PRTFDC1: variants seen among roughly 807,000 people sequenced by gnomAD.
The protein encoded by PRTFDC1 is phosphoribosyltransferase domain-containing protein 1.
Under a neutral mutation model 34.6 loss-of-function variants are expected in PRTFDC1, and 38 were observed. The ratio of observed to expected loss-of-function variants is 1.10; its 90% CI spans 0.85 to 1.44. The LOEUF (loss-of-function observed/expected upper bound fraction) is 1.44, where lower values mean the gene tolerates loss of function less well. PRTFDC1 is among the 40% of genes most tolerant of loss of function. The pLI is 0.00. For synonymous variants in PRTFDC1, 93 were observed against 98.1 expected (o/e 0.95, Z 0.31); for missense variants, 270 against 283.0 (o/e 0.95, Z 0.33).
intron 2 of PRTFDC1, among the ~76,000 whole-genome samples, chr10:24,938,602 T>G (rs1849093082): frequency 6.6e-6 from 1 of 152,196 alleles, no homozygotes; most frequent in African/African-American, 2.4e-5. Flanking sequence ...TATCCTGAGG[T>G]GCAGTCACCG....
chr10:24,923,817 A>G (rs892745573), intron 3 of PRTFDC1, among the ~76,000 whole-genome samples: 3 of 152,220 alleles, frequency 2.0e-5, no homozygotes, highest in African/African-American at 7.2e-5. Context: ...GAGTTGACAG[A>G]AGTAGGTTTC....
intron 3 of PRTFDC1, among the ~76,000 whole-genome samples, chr10:24,876,645 GGTC>G (rs1847969075): frequency 6.6e-6 from 1 of 152,028 alleles, no homozygotes; most frequent in South Asian, 2.1e-4. Context: ...AGTGAGCCGA[GGTC>G]ATGTCACTGT....
At chr10:24,941,152 C>G (rs1479800162) in intron 2 of PRTFDC1, among the ~76,000 whole-genome samples, 1 of 152,004 alleles carries the variant, frequency 6.6e-6, no homozygotes, top group Non-Finnish European at 1.5e-5. Flanking sequence ...CTCCCAGACT[C>G]AAGTGATCCT....
chr10:24,890,144 A>C (rs780960049), intron 3 of PRTFDC1, among the ~76,000 whole-genome samples: 10 of 152,242 alleles, frequency 6.6e-5, no homozygotes, highest in Non-Finnish European at 1.3e-4. Flanking sequence ...TGTTGGCGGA[A>C]GCCTGGAAGA....
In PRTFDC1 at chr10:24,952,443, C is replaced by A. The variant is rs1849361919; in HGVS notation, c.48+85G>T. 2 of 1,453,456 alleles carry A rather than the reference C, an allele frequency of 1.4e-6. No homozygotes were observed. Among genetic ancestry groups the A allele is most frequent in the East Asian group, 2.5e-5 (1 of 39,920 alleles). The allele number at this position is 1,453,456 out of a possible 1,614,324, so 90.0% of individuals were successfully genotyped here. Reference sequence around the variant, plus strand: ...AGCGGTGGCCCTCTCTCTCCCCCGACGCACGGCAAGCATTTAATCTACAAG... The same window carrying A: ...AGCGGTGGCCCTCTCTCTCCCCCGAAGCACGGCAAGCATTTAATCTACAAG... On this transcript the variant is annotated intron_variant, in intron 1 of 8. Transcript: ENST00000320152. The surrounding 1 kb of genome is among the most constrained non-coding windows in gnomAD (Gnocchi z 5.1).
At chr10:24,944,281 G>A (rs774921860) in intron 1 of PRTFDC1, among the ~76,000 whole-genome samples, 13 of 152,082 alleles carry the variant, frequency 8.5e-5, no homozygotes, top group African/African-American at 2.7e-4. Context: ...TTCTTTCATC[G>A]CCCTCAGGCA....
chr10:24,952,165 A>G lies in PRTFDC1; in HGVS notation c.48+363T>C, dbSNP rs1176861335. On this transcript the variant is annotated intron_variant, in intron 1 of 8. Transcript: ENST00000320152. This position sits in a 1 kb window ranked among gnomAD's most constrained non-coding sequence, Gnocchi z 5.1. ...GTCAAGAGGAGACCCAGGAAGAAGG[A>G]GGCCTCCAGAGCAGCACGCGGGGGT... Among the ~76,000 whole-genome samples, 2 of 152,244 alleles carry G rather than the reference A, an allele frequency of 1.3e-5. No homozygotes were observed. Among genetic ancestry groups the G allele is most frequent in the Non-Finnish European group, 2.9e-5 (2 of 68,052 alleles).
chr10:24,895,243 T>C (rs547406534), intron 3 of PRTFDC1, among the ~76,000 whole-genome samples: 1 of 133,182 alleles, frequency 7.5e-6, no homozygotes, highest in East Asian at 2.2e-4. Flanking sequence ...CTTCTGGAAA[T>C]CTCCACTTTC....
At chr10:24,874,127 G>A (rs913194593) in intron 3 of PRTFDC1, among the ~76,000 whole-genome samples, 1 of 151,818 alleles carries the variant, frequency 6.6e-6, no homozygotes, top group South Asian at 2.1e-4. Flanking sequence ...ATGGATGGTT[G>A]GAGGGGGCAC....
chr10:24,884,037 G>C (rs1848124730), intron 3 of PRTFDC1, among the ~76,000 whole-genome samples: 1 of 151,478 alleles, frequency 6.6e-6, no homozygotes, highest in South Asian at 2.1e-4. Flanking sequence ...TTGCCATATT[G>C]GCCAGGCTAC....
chr10:24,906,535 A>T (rs1034486282), intron 3 of PRTFDC1, among the ~76,000 whole-genome samples: 1 of 152,206 alleles, frequency 6.6e-6, no homozygotes, highest in African/African-American at 2.4e-5. Flanking sequence ...GACTTGTATG[A>T]ATGAATGAAT....
At chr10:24,900,633 C>T (rs904927683) in intron 3 of PRTFDC1, among the ~76,000 whole-genome samples, 2 of 152,044 alleles carry the variant, frequency 1.3e-5, no homozygotes, top group African/African-American at 4.8e-5. Context: ...TTTAAATATT[C>T]TCATCAAAGT....
chr10:24,857,601 T>C (rs1847602906), intron 5 of PRTFDC1, among the ~76,000 whole-genome samples: 1 of 152,158 alleles, frequency 6.6e-6, no homozygotes, highest in Non-Finnish European at 1.5e-5. Flanking sequence ...AGGAATCAGC[T>C]GTCATGAGCT....
chr10:24,916,618 T>C (rs1461531352), intron 3 of PRTFDC1, among the ~76,000 whole-genome samples: 1 of 152,202 alleles, frequency 6.6e-6, no homozygotes, highest in East Asian at 1.9e-4. Context: ...CCTGTCTGCA[T>C]GGGGAGCCTT....
chr10:24,851,391 C>G lies in PRTFDC1; in HGVS notation c.627G>C (p.Leu209=). ...ALDYNEYFRD[L]NHICVINEHG... is the part of the protein sequence containing the mutation. ...GGGATTTGCATGCAAGACTTACATT[C>G]AGATCTCTGAAGTATTCATTGTAAT... The change falls in exon 8 of 9, where the codon CTG becomes CTC. Residue 209 remains leucine, a synonymous_variant. Transcript: ENST00000320152. The G allele has an allele frequency of 1.9e-6, 3 of 1,603,160 alleles. No individual in the cohort carries two copies. The highest frequency in any genetic ancestry group is 1.7e-6 in the Non-Finnish European group (2 of 1,177,296).
intron 3 of PRTFDC1, among the ~76,000 whole-genome samples, chr10:24,883,325 A>G (rs1848111871): frequency 6.6e-6 from 1 of 152,070 alleles, no homozygotes; most frequent in Non-Finnish European, 1.5e-5. Flanking sequence ...TACTCCACCC[A>G]GTTTCCAAAA....
chr10:24,897,226 G>A (rs1316831163), intron 3 of PRTFDC1, among the ~76,000 whole-genome samples: 2 of 151,940 alleles, frequency 1.3e-5, no homozygotes, highest in Non-Finnish European at 2.9e-5. Context: ...ATAAATAAAT[G>A]AACCATCCCC....
At chr10:24,893,256 TTC>T (rs113269444) in intron 3 of PRTFDC1, among the ~76,000 whole-genome samples, 15 of 150,832 alleles carry the variant, frequency 9.9e-5, no homozygotes, top group South Asian at 2.1e-4. Context: ...GATTCTTTTG[TTC>T]TCTCTCTCTC....
At chr10:24,903,491 T>G (rs1430504355) in intron 3 of PRTFDC1, among the ~76,000 whole-genome samples, 1 of 152,182 alleles carries the variant, frequency 6.6e-6, no homozygotes, top group East Asian at 1.9e-4. Flanking sequence ...GTGCCAAGTA[T>G]AGGAAGAAAT....
Sources: allele counts gnomAD v4.1 joint callset (sites outside exome capture counted in the v4.1 genomes callset), GRCh38; gene constraint gnomAD v4.1.1; non-coding constraint Gnocchi (gnomAD v3.1); transcripts MANE v1.5; gene names NCBI Gene and HGNC (gene_info 2026-07-23, HGNC 2026-07-21).